RNFT2: variants seen among roughly 807,000 people sequenced by gnomAD.
RNFT2 encodes E3 ubiquitin-protein ligase RNFT2.
RNFT2 carries 36 observed loss-of-function variants against 53.0 expected under a neutral mutation model. That is an observed-to-expected ratio of 0.68 (90% CI 0.52 to 0.90). The LOEUF is 0.90. Among genes scored for constraint, RNFT2 ranks in the 40% least tolerant of loss-of-function variants. The pLI is 0.00. For synonymous variants in RNFT2, 260 were observed against 253.2 expected (o/e 1.03, Z -0.26); for missense variants, 514 against 585.6 (o/e 0.88, Z 1.26).
In RNFT2 at chr12:116,852,197, C is replaced by A; in HGVS notation, c.*2749C>A. ...TGTCAACCTCAGCACAACAGGCTGGCGCCAATGGCATTACAGAGAAAGCAA... is the reference window on the plus strand; with the variant it reads ...TGTCAACCTCAGCACAACAGGCTGGAGCCAATGGCATTACAGAGAAAGCAA... On this transcript the variant is annotated 3_prime_UTR_variant, in exon 11 of 11. Transcript: ENST00000257575. 2 of 1,227,008 alleles carry A rather than the reference C, an allele frequency of 1.6e-6. No homozygotes were observed. The highest frequency in any genetic ancestry group is 2.1e-6 in the Non-Finnish European group (2 of 948,916). The allele number at this position is 1,227,008 out of a possible 1,614,324, so 76.0% of individuals were successfully genotyped here.
At chr12:116,788,220 C>T (rs1487728872) in intron 7 of RNFT2, among the ~76,000 whole-genome samples, 1 of 152,248 alleles carries the variant, frequency 6.6e-6, no homozygotes. Context: ...AGCCACTGCG[C>T]CCAGCCTCTT....
intron 7 of RNFT2, among the ~76,000 whole-genome samples, chr12:116,803,057 T>C (rs1874876021): frequency 6.6e-6 from 1 of 151,778 alleles, no homozygotes. Context: ...ATCACGCCAC[T>C]GCACCCCAGC....
intron 10 of RNFT2, among the ~76,000 whole-genome samples, chr12:116,836,725 G>A (rs1016666704): frequency 6.6e-6 from 1 of 151,922 alleles, no homozygotes; most frequent in African/African-American, 2.4e-5. Context: ...AGGAGTTCGA[G>A]ACCAGCTGGG....
intron 3 of RNFT2, among the ~76,000 whole-genome samples, chr12:116,746,664 A>G (rs1458459996): frequency 6.6e-6 from 1 of 152,246 alleles, no homozygotes; most frequent in East Asian, 1.9e-4. Flanking sequence ...GGCACATGAT[A>G]AGATTGGAGT....
intron 8 of RNFT2, among the ~76,000 whole-genome samples, chr12:116,835,754 G>T (rs890656095): frequency 6.6e-6 from 1 of 152,212 alleles, no homozygotes; most frequent in Non-Finnish European, 1.5e-5. Context: ...TCTGGCCTAG[G>T]TAGCAGGGGA....
At chr12:116,837,022 A>G (rs1357496378) in intron 10 of RNFT2, among the ~76,000 whole-genome samples, 57 of 152,190 alleles carry the variant, frequency 3.7e-4, no homozygotes, top group Admixed American at 3.7e-3. Flanking sequence ...CTAAATTTCA[A>G]TTATTCAACC....
At position 116,825,101 on chromosome 12, in the gene RNFT2, T is replaced by C. The variant is rs202035087; in HGVS notation, c.883-8691T>C. Among the ~76,000 whole-genome samples, 4 of 152,306 alleles carry C rather than the reference T, an allele frequency of 2.6e-5. No individual in the cohort carries two copies. The East Asian group carries it at 7.7e-4, about 29-fold the overall frequency. Reference sequence around the variant, plus strand: ...CCCAGGTCTGATGCGTCAGCTGCAATGGCAGGAATGGCCTTCTTAAGGTCC... The same window carrying C: ...CCCAGGTCTGATGCGTCAGCTGCAACGGCAGGAATGGCCTTCTTAAGGTCC... On this transcript the variant is annotated intron_variant, in intron 7 of 10. Coordinates refer to ENST00000257575, the MANE Select transcript of RNFT2 (RefSeq NM_001382266.1).
chr12:116,847,534 T>C lies in RNFT2; in HGVS notation c.1201-1780T>C, dbSNP rs190398421. Among the ~76,000 whole-genome samples the C allele has an allele frequency of 4.9e-5, 7 of 143,422 alleles. No homozygotes were observed. The South Asian group carries it at 1.3e-3, about 28-fold the overall frequency. The allele number at this position is 143,422 out of a possible 152,430, so 94.1% of individuals were successfully genotyped here. ...TCCCTGCCTTTCTCTCTCTCTCTCT[T>C]TTTTTTTTTTGAGGCAGAGTTTTGC... On this transcript the variant is annotated intron_variant, in intron 10 of 10. Transcript: ENST00000257575.
chr12:116,808,572 A>G (rs1875196883), intron 7 of RNFT2, among the ~76,000 whole-genome samples: 1 of 152,036 alleles, frequency 6.6e-6, no homozygotes, highest in Non-Finnish European at 1.5e-5. Flanking sequence ...GTTTTGGGTG[A>G]TTTATTTATT....
chr12:116,835,344 G>A (rs112197019), intron 8 of RNFT2, among the ~76,000 whole-genome samples: 14 of 152,280 alleles, frequency 9.2e-5, no homozygotes, highest in Non-Finnish European at 1.3e-4. Flanking sequence ...AATAGTATCC[G>A]TGTTAAATTG....
In RNFT2 at chr12:116,849,694, C is replaced by A; in HGVS notation, c.*246C>A. 1 of 1,249,048 alleles carries A rather than the reference C, an allele frequency of 8.0e-7. No individual in the cohort carries two copies. The highest frequency in any genetic ancestry group is 1.0e-6 in the Non-Finnish European group (1 of 994,438). The allele number at this position is 1,249,048 out of a possible 1,614,324, so 77.4% of individuals were successfully genotyped here. ...ACGTCTTCCTAACTCAGACTTGATG[C>A]CCTTCTAGATGCATCTTCCTTCTCC... On this transcript the variant is annotated 3_prime_UTR_variant, in exon 11 of 11. Coordinates refer to ENST00000257575, the MANE Select transcript of RNFT2 (RefSeq NM_001382266.1).
chr12:116,809,965 G>A (rs1030359695), intron 7 of RNFT2, among the ~76,000 whole-genome samples: 28 of 152,128 alleles, frequency 1.8e-4, no homozygotes, highest in East Asian at 1.3e-3. Flanking sequence ...GTGAGCCACC[G>A]TGCCTAGGCC....
intron 7 of RNFT2, among the ~76,000 whole-genome samples, chr12:116,782,623 C>T (rs892269710): frequency 6.6e-6 from 1 of 152,184 alleles, no homozygotes; most frequent in Non-Finnish European, 1.5e-5. Context: ...TTCCCTGCCA[C>T]ACCTGATTTC....
intron 4 of RNFT2, among the ~76,000 whole-genome samples, chr12:116,750,881 T>TATAA (rs1438371204): frequency 1.1e-5 from 1 of 93,080 alleles, no homozygotes; most frequent in Non-Finnish European, 2.0e-5. Context: ...AATATATATA[T>TATAA]TATATATATA....
chr12:116,762,613 TC>T (rs557571686), intron 5 of RNFT2, among the ~76,000 whole-genome samples: 1 of 147,218 alleles, frequency 6.8e-6, no homozygotes, highest in African/African-American at 2.5e-5. Context: ...GAAGTCTCAC[TC>T]TGTCACCCAG....
intron 7 of RNFT2, among the ~76,000 whole-genome samples, chr12:116,817,354 C>A (rs762856543): frequency 2.0e-5 from 3 of 152,042 alleles, no homozygotes; most frequent in Non-Finnish European, 4.4e-5. Flanking sequence ...CTCATGATGT[C>A]TCCCAGGCTA....
intron 7 of RNFT2, among the ~76,000 whole-genome samples, chr12:116,817,037 G>C (rs1428795769): frequency 6.6e-6 from 1 of 152,078 alleles, no homozygotes; most frequent in Non-Finnish European, 1.5e-5. Context: ...TTTTGAGATG[G>C]AGTCTCGCTC....
chr12:116,751,874 C>T (rs537133836), intron 4 of RNFT2, among the ~76,000 whole-genome samples: 1 of 152,134 alleles, frequency 6.6e-6, no homozygotes, highest in African/African-American at 2.4e-5. Flanking sequence ...ATTCTCAGCC[C>T]TAACCTCAAG....
chr12:116,746,281 G>C (rs1034530648), intron 3 of RNFT2, among the ~76,000 whole-genome samples: 1 of 152,118 alleles, frequency 6.6e-6, no homozygotes, highest in Non-Finnish European at 1.5e-5. Context: ...AACTTCAGGT[G>C]CTGGGGCCCA....
Sources: gnomAD v4.1 joint callset for allele counts (sites outside exome capture counted in the v4.1 genomes callset) on GRCh38, gnomAD v4.1.1 for gene constraint, MANE v1.5 for transcripts, NCBI Gene and HGNC (gene_info 2026-07-23, HGNC 2026-07-21) for gene names.